ZNF804A: variants seen among roughly 807,000 people sequenced by gnomAD.
ZNF804A encodes zinc finger protein 804A.
In ZNF804A, 2 loss-of-function variants were observed where a neutral mutation model predicts 16.5. The observed-to-expected ratio is 0.12, with a 90% CI of 0.05 to 0.38. The LOEUF (loss-of-function observed/expected upper bound fraction) is 0.38, where lower values mean the gene tolerates loss of function less well. Among genes scored for constraint, ZNF804A ranks in the 10% least tolerant of loss-of-function variants. The probability of loss-of-function intolerance (pLI) is 0.99; values close to 1 mark genes in which losing one functional copy is unlikely to be tolerated. For missense variants in ZNF804A, 1,473 were observed against 1,390.7 expected (o/e 1.06, Z -0.94); for synonymous variants, 534 against 489.6 (o/e 1.09, Z -1.20).
At chr2:184,802,096 A>T (rs1694735458) in intron 1 of ZNF804A, among the ~76,000 whole-genome samples, 1 of 152,088 alleles carries the variant, frequency 6.6e-6, no homozygotes, top group Non-Finnish European at 1.5e-5. Flanking sequence ...TATTCAAGAG[A>T]CCTGTTCATG....
chr2:184,844,887 G>GAAC (rs1425058145), intron 1 of ZNF804A, among the ~76,000 whole-genome samples: 1 of 151,756 alleles, frequency 6.6e-6, no homozygotes, highest in Non-Finnish European at 1.5e-5. Flanking sequence ...CAAGTTATTA[G>GAAC]ATGTTTTGTT....
chr2:184,920,321 A>G (rs1685510952), intron 2 of ZNF804A, among the ~76,000 whole-genome samples: 1 of 152,322 alleles, frequency 6.6e-6, no homozygotes, highest in African/African-American at 2.4e-5. Flanking sequence ...CTGTGCTACC[A>G]TGCGACTATG....
chr2:184,823,886 A>G (rs1695121653), intron 1 of ZNF804A, among the ~76,000 whole-genome samples: 1 of 152,196 alleles, frequency 6.6e-6, no homozygotes, highest in African/African-American at 2.4e-5. Flanking sequence ...AAAAATTCAT[A>G]TAAATTGCCT....
Position 184,939,208 on chromosome 2 carries a change from A to G in ZNF804A, c.*182A>G. On this transcript the variant is annotated 3_prime_UTR_variant, in exon 4 of 4. Coordinates refer to ENST00000302277, the MANE Select transcript of ZNF804A (RefSeq NM_194250.2). ...GCAAATAAATCCCTAAGTTTCTGAT[A>G]TATAATATTATTAAAGCACTGAATA... is the stretch of plus-strand genomic sequence containing the variant. 3.1e-6 allele frequency: 2 copies of G among 642,256 alleles called. No individual in the cohort carries two copies. Among genetic ancestry groups the G allele is most frequent in the Non-Finnish European group, 5.2e-6 (2 of 385,964 alleles). The allele number at this position is 642,256 out of a possible 1,614,324, so 39.8% of individuals were successfully genotyped here.
chr2:184,650,899 T>C (rs1339852940), intron 1 of ZNF804A, among the ~76,000 whole-genome samples: 1 of 152,134 alleles, frequency 6.6e-6, no homozygotes, highest in Non-Finnish European at 1.5e-5. Flanking sequence ...GCTTTTCTTA[T>C]CAAACTACTA....
intron 1 of ZNF804A, among the ~76,000 whole-genome samples, chr2:184,664,202 C>T (rs1480479): frequency 0.86 from 131,216 of 152,098 alleles, 56,945 homozygotes; most frequent in African/African-American, 0.91. Flanking sequence ...ATTTAGCTTT[C>T]AGAAATGTTC....
chr2:184,703,689 C>CAAAAA (rs10593157), intron 1 of ZNF804A, among the ~76,000 whole-genome samples: 15 of 56,416 alleles, frequency 2.7e-4, no homozygotes, highest in South Asian at 6.2e-4. Context: ...GACTCCGGTT[C>CAAAAA]AAAAAAAAAA....
rs1007004022 is a variant in ZNF804A, at chr2:184,712,382, C to A, written c.111+113312C>A. 2.0e-5 allele frequency among the ~76,000 whole-genome samples: 3 copies of A among 151,614 alleles called. No homozygotes were observed. The Admixed American group carries it at 2.0e-4, about 10-fold the overall frequency. On this transcript the variant is annotated intron_variant, in intron 1 of 3. Coordinates refer to ENST00000302277, the MANE Select transcript of ZNF804A (RefSeq NM_194250.2). Reference sequence around the variant, plus strand: ...TTGTTTACTAGTCTGCAAGGTATTGCTAAGAAACCCATTGATAGTCTTATT... The same window carrying A: ...TTGTTTACTAGTCTGCAAGGTATTGATAAGAAACCCATTGATAGTCTTATT...
At chr2:184,792,753 A>G (rs1694569463) in intron 1 of ZNF804A, among the ~76,000 whole-genome samples, 1 of 151,974 alleles carries the variant, frequency 6.6e-6, no homozygotes, top group African/African-American at 2.4e-5. Context: ...CTCTTATGTT[A>G]TCTTCTAGGA....
At chr2:184,795,105 C>A (rs1694611348) in intron 1 of ZNF804A, among the ~76,000 whole-genome samples, 2 of 152,080 alleles carry the variant, frequency 1.3e-5, no homozygotes, top group Admixed American at 1.3e-4. Context: ...TATCCAACAA[C>A]CACAGAATAT....
chr2:184,783,137 A>AGTTTTTTTTT (rs1558960294), intron 1 of ZNF804A, among the ~76,000 whole-genome samples: 3 of 40,458 alleles, frequency 7.4e-5, no homozygotes, highest in Non-Finnish European at 1.1e-4. Flanking sequence ...TAAAAGAGTG[A>AGTTTTTTTTT]GTTTTTTTTT....
chr2:184,804,397 A>T (rs1483859051), intron 1 of ZNF804A, among the ~76,000 whole-genome samples: 1 of 152,186 alleles, frequency 6.6e-6, no homozygotes, highest in African/African-American at 2.4e-5. Flanking sequence ...TTGTGTCCGG[A>T]TGTATCTGAA....
intron 1 of ZNF804A, among the ~76,000 whole-genome samples, chr2:184,854,518 CT>C (rs1454230282): frequency 6.6e-6 from 1 of 151,918 alleles, no homozygotes; most frequent in Non-Finnish European, 1.5e-5. Flanking sequence ...AAAAATATTG[CT>C]GAAAATGTCA....
intron 2 of ZNF804A, among the ~76,000 whole-genome samples, chr2:184,924,541 T>G (rs1685578396): frequency 6.6e-6 from 1 of 151,746 alleles, no homozygotes; most frequent in African/African-American, 2.4e-5. Flanking sequence ...TATTGTTTCC[T>G]TTACTTCATA....
intron 2 of ZNF804A, among the ~76,000 whole-genome samples, chr2:184,928,604 C>T (rs778512999): frequency 3.9e-5 from 6 of 151,948 alleles, no homozygotes; most frequent in South Asian, 2.1e-4. Flanking sequence ...TCTAGACTGC[C>T]GCGAGTTGAA....
chr2:184,804,198 A>G (rs1053219330), intron 1 of ZNF804A, among the ~76,000 whole-genome samples: 3 of 152,076 alleles, frequency 2.0e-5, no homozygotes, highest in African/African-American at 7.2e-5. Flanking sequence ...TGATCATTTT[A>G]TTTAGAATTC....
At chr2:184,661,782 C>G (rs1309065164) in intron 1 of ZNF804A, among the ~76,000 whole-genome samples, 1 of 152,044 alleles carries the variant, frequency 6.6e-6, no homozygotes, top group Non-Finnish European at 1.5e-5. Flanking sequence ...CCCTGTCTGT[C>G]TAGGAATTAA....
chr2:184,921,915 C>T (rs542078850), intron 2 of ZNF804A, among the ~76,000 whole-genome samples: 2 of 152,204 alleles, frequency 1.3e-5, no homozygotes, highest in African/African-American at 2.4e-5. Context: ...CAGTGATCTC[C>T]AGTTCCATCC....
chr2:184,836,301 A>C (rs1440451439), intron 1 of ZNF804A, among the ~76,000 whole-genome samples: 1 of 152,106 alleles, frequency 6.6e-6, no homozygotes, highest in East Asian at 1.9e-4. Context: ...GCAGTTTCCT[A>C]AAAAGGAGCA....
Sources: allele counts gnomAD v4.1 joint callset (sites outside exome capture counted in the v4.1 genomes callset), GRCh38; gene constraint gnomAD v4.1.1; transcripts MANE v1.5; gene names NCBI Gene and HGNC (gene_info 2026-07-23, HGNC 2026-07-21).